Variants in ERC2 observed in about 807,000 individuals in gnomAD.
ERC2 encodes the protein ELKS/RAB6-interacting/CAST family member 2.
In ERC2, 42 loss-of-function variants were observed where a neutral mutation model predicts 114.8. The ratio of observed to expected loss-of-function variants is 0.37; its 90% CI spans 0.29 to 0.47. The LOEUF (loss-of-function observed/expected upper bound fraction) is 0.47, where lower values mean the gene tolerates loss of function less well. ERC2 is among the 20% of genes least tolerant of loss of function. ERC2 has a pLI of 0.99. For missense variants in ERC2, 939 were observed against 1,150.7 expected (o/e 0.82, Z 2.66); for synonymous variants, 454 against 425.5 (o/e 1.07, Z -0.82).
chr3:56,268,480 T>A (rs1030357948), intron 3 of ERC2, among the ~76,000 whole-genome samples: 1 of 152,178 alleles, frequency 6.6e-6, no homozygotes, highest in South Asian at 2.1e-4. Context: ...AAAAACAAAA[T>A]AAATATAAGA....
intron 17 of ERC2, among the ~76,000 whole-genome samples, chr3:55,529,123 T>C (rs142125796): frequency 6.6e-6 from 1 of 152,298 alleles, no homozygotes; most frequent in Non-Finnish European, 1.5e-5. Context: ...AGCCCTGGGA[T>C]TCTGTCTCAT....
At chr3:55,716,437 T>C (rs553332436) in intron 15 of ERC2, among the ~76,000 whole-genome samples, 1 of 152,034 alleles carries the variant, frequency 6.6e-6, no homozygotes, top group African/African-American at 2.4e-5. Flanking sequence ...TCCTGGAGAG[T>C]AAAGAAAACC....
At chr3:56,209,745 C>T (rs1422369428) in intron 3 of ERC2, among the ~76,000 whole-genome samples, 1 of 152,090 alleles carries the variant, frequency 6.6e-6, no homozygotes, top group Non-Finnish European at 1.5e-5. Flanking sequence ...TGTCAGTAAG[C>T]GCAAATAGCA....
At chr3:56,332,971 C>T (rs143480031) in intron 2 of ERC2, among the ~76,000 whole-genome samples, 112 of 152,294 alleles carry the variant, frequency 7.4e-4, no homozygotes, top group Admixed American at 1.7e-3. Context: ...AAAGAAAGAA[C>T]AGAGAATTTC....
At chr3:55,564,848 G>C (rs2056263012) in intron 17 of ERC2, among the ~76,000 whole-genome samples, 2 of 152,240 alleles carry the variant, frequency 1.3e-5, no homozygotes, top group South Asian at 4.1e-4. Flanking sequence ...CCTAGGACAG[G>C]GATCAGCAAA....
intron 2 of ERC2, among the ~76,000 whole-genome samples, chr3:56,398,638 T>G (rs1425133068): frequency 6.6e-6 from 1 of 152,166 alleles, no homozygotes; most frequent in Non-Finnish European, 1.5e-5. Context: ...TTGTTTGTTT[T>G]TTTAGAGACA....
intron 17 of ERC2, among the ~76,000 whole-genome samples, chr3:55,593,108 T>C (rs2057974018): frequency 1.3e-5 from 2 of 152,188 alleles, no homozygotes; most frequent in Admixed American, 6.5e-5. Context: ...GTTAACTAAC[T>C]AGACTTGGGA....
intron 17 of ERC2, among the ~76,000 whole-genome samples, chr3:55,575,309 C>T (rs78284213): frequency 0.068 from 10,411 of 152,138 alleles, 496 homozygotes; most frequent in African/African-American, 0.12. Flanking sequence ...TAAGCCACCA[C>T]ACTCAGCCAG....
chr3:55,558,315 A>G (rs2055763447), intron 17 of ERC2, among the ~76,000 whole-genome samples: 1 of 152,230 alleles, frequency 6.6e-6, no homozygotes, highest in African/African-American at 2.4e-5. Flanking sequence ...TATTTCAGAA[A>G]TGCAGGTATG....
chr3:55,555,966 C>G (rs2055577673), intron 17 of ERC2, among the ~76,000 whole-genome samples: 1 of 152,156 alleles, frequency 6.6e-6, no homozygotes, highest in African/African-American at 2.4e-5. Flanking sequence ...GCCTATCCCC[C>G]AAGCCCCACG....
At chr3:55,551,675 C>T (rs927329997) in intron 17 of ERC2, among the ~76,000 whole-genome samples, 1 of 152,178 alleles carries the variant, frequency 6.6e-6, no homozygotes, top group Non-Finnish European at 1.5e-5. Flanking sequence ...GGGTTCCTCC[C>T]TAGTCTCTGT....
chr3:56,049,486 G>A (rs2075652495), intron 7 of ERC2, among the ~76,000 whole-genome samples: 1 of 152,214 alleles, frequency 6.6e-6, no homozygotes, highest in South Asian at 2.1e-4. Context: ...GATCCTAGGT[G>A]TTTCTGTGAG....
At position 56,296,262 on chromosome 3, in the gene ERC2, C is replaced by T. The variant is rs373374522; in HGVS notation, c.831G>A (p.Leu277=). 309 of 1,613,900 alleles carry T rather than the reference C, an allele frequency of 1.9e-4. 1 individual carries two copies. The highest frequency in any genetic ancestry group is 2.4e-4 in the Non-Finnish European group (284 of 1,179,896). ...CCTCTAATGTCTTCCTCAAAAGGAACAGCTCCTTAGCCTGCCTGTCATGCT... is the reference window on the plus strand; with the variant it reads ...CCTCTAATGTCTTCCTCAAAAGGAATAGCTCCTTAGCCTGCCTGTCATGCT... The part of the protein sequence containing the change: ...QAEHDRQAKE[L]FLLRKTLEEM... Residue 277 remains leucine (L), a synonymous_variant, in exon 3 of 18, where the codon CTG becomes CTA. Coordinates refer to ENST00000288221, the MANE Select transcript of ERC2 (RefSeq NM_015576.3).
At chr3:55,860,230 GGAAA>G in intron 14 of ERC2, among the ~76,000 whole-genome samples, 2 of 152,200 alleles carry the variant, frequency 1.3e-5, no homozygotes, top group East Asian at 1.9e-4. Flanking sequence ...ACTTGAAAGA[GGAAA>G]GAGTCTGTCA....
At chr3:55,930,102 A>G (rs2065984351) in intron 13 of ERC2, among the ~76,000 whole-genome samples, 1 of 152,078 alleles carries the variant, frequency 6.6e-6, no homozygotes, top group South Asian at 2.1e-4. Context: ...AGCCAGGCAT[A>G]GTGGTGGGCA....
chr3:56,299,802 G>T (rs2150365890), intron 2 of ERC2, among the ~76,000 whole-genome samples: 1 of 152,270 alleles, frequency 6.6e-6, no homozygotes, highest in South Asian at 2.1e-4. Context: ...GATGATCCAG[G>T]TTTATCTGGA....
intron 2 of ERC2, among the ~76,000 whole-genome samples, chr3:56,305,512 C>CCACACACACACACACA (rs58751787): frequency 6.2e-5 from 9 of 144,336 alleles, no homozygotes; most frequent in Admixed American, 1.4e-4. Flanking sequence ...ACTCTCTTAT[C>CCACACACACACACACA]CACACACACA....
chr3:56,148,794 C>T (rs1481891524), intron 5 of ERC2, among the ~76,000 whole-genome samples, 183 bp downstream of exon 5: 2 of 152,106 alleles, frequency 1.3e-5, no homozygotes, highest in Non-Finnish European at 2.9e-5. Flanking sequence ...CAAAGGTTTT[C>T]CCTGATTGTT....
chr3:55,615,925 G>T (rs1490134535), intron 17 of ERC2, among the ~76,000 whole-genome samples: 1 of 152,164 alleles, frequency 6.6e-6, no homozygotes, highest in Non-Finnish European at 1.5e-5. Context: ...TTGCATAAAA[G>T]ACAGCCAATT....
Sources: gnomAD v4.1 joint callset for allele counts (sites outside exome capture counted in the v4.1 genomes callset) on GRCh38, gnomAD v4.1.1 for gene constraint, MANE v1.5 for transcripts, NCBI Gene and HGNC (gene_info 2026-07-23, HGNC 2026-07-21) for gene names.